UBE2E2: variants seen among roughly 807,000 people sequenced by gnomAD.
UBE2E2 encodes ubiquitin conjugating enzyme E2 E2.
A neutral mutation model predicts 24.7 loss-of-function variants in UBE2E2; 6 were observed. The ratio of observed to expected loss-of-function variants is 0.24; its 90% CI spans 0.13 to 0.48. The LOEUF is 0.48. Among genes scored for constraint, UBE2E2 ranks in the 20% least tolerant of loss-of-function variants. The pLI, the probability that UBE2E2 is intolerant of heterozygous loss-of-function variation, is 0.99. For synonymous variants in UBE2E2, 104 were observed against 83.6 expected (o/e 1.24, Z -1.33); for missense variants, 169 against 245.0 (o/e 0.69, Z 2.07).
At chr3:23,342,514 T>G (rs1024509179) in intron 3 of UBE2E2, among the ~76,000 whole-genome samples, 2 of 152,244 alleles carry the variant, frequency 1.3e-5, no homozygotes, top group African/African-American at 4.8e-5. Context: ...TCTATGAGAT[T>G]GTGTGAATTT....
Position 23,302,189 on chromosome 3 carries a change from A to C in UBE2E2, c.227+84877A>C, listed in dbSNP as rs570353827. Among the ~76,000 whole-genome samples, 8 of 152,176 alleles carry C rather than the reference A, an allele frequency of 5.3e-5. No homozygotes were observed. The South Asian group carries it at 1.7e-3, about 32-fold the overall frequency. On this transcript the variant is annotated intron_variant, in intron 3 of 5. Transcript: ENST00000396703. ...TTCCAGCCATATCCAGTCTGTTTTC[A>C]ACAAAATTCTGACCACTCTACTTCT...
rs60689248 is a variant in UBE2E2 at position 23,351,031 on chromosome 3, A to G, written c.227+133719A>G. ...AAGGGAAGCCCATCAGACTAACAGC[A>G]GATCTCTCGGCAGAAACTCTACAAG... On this transcript the variant is annotated intron_variant, in intron 3 of 5. Coordinates refer to ENST00000396703, the MANE Select transcript of UBE2E2 (RefSeq NM_152653.4). Among the ~76,000 whole-genome samples, 104 of 152,364 alleles carry G rather than the reference A, an allele frequency of 6.8e-4. 1 individual carries two copies. The highest frequency in any genetic ancestry group is 2.3e-3 in the African/African-American group (97 of 41,586).
intron 5 of UBE2E2, among the ~76,000 whole-genome samples, chr3:23,561,120 G>A (rs1695918122): frequency 6.6e-6 from 1 of 152,150 alleles, no homozygotes; most frequent in Non-Finnish European, 1.5e-5. Flanking sequence ...TGCTTTTGGT[G>A]TTTTAGACAT....
intron 5 of UBE2E2, among the ~76,000 whole-genome samples, chr3:23,551,676 C>T (rs1695647110): frequency 6.6e-6 from 1 of 151,992 alleles, no homozygotes; most frequent in Non-Finnish European, 1.5e-5. Context: ...GAGTAGAGGA[C>T]AAAGAAATGT....
At chr3:23,391,226 A>G (rs1340136333) in intron 3 of UBE2E2, among the ~76,000 whole-genome samples, 1 of 152,224 alleles carries the variant, frequency 6.6e-6, no homozygotes, top group Non-Finnish European at 1.5e-5. Flanking sequence ...TCTACATTAT[A>G]AGTTAATGAT....
At chr3:23,392,573 A>T (rs1462629323) in intron 3 of UBE2E2, among the ~76,000 whole-genome samples, 1 of 152,154 alleles carries the variant, frequency 6.6e-6, no homozygotes, top group Non-Finnish European at 1.5e-5. Flanking sequence ...GAGTTTTATG[A>T]TGTTAATAAA....
intron 3 of UBE2E2, among the ~76,000 whole-genome samples, chr3:23,376,018 A>G (rs1426065807): frequency 6.6e-6 from 1 of 152,246 alleles, no homozygotes; most frequent in Non-Finnish European, 1.5e-5. Context: ...ATGATATATA[A>G]TAAAGCATAC....
At chr3:23,316,165 C>T (rs569061205) in intron 3 of UBE2E2, among the ~76,000 whole-genome samples, 13 of 152,206 alleles carry the variant, frequency 8.5e-5, no homozygotes, top group South Asian at 2.1e-4. Context: ...AGAGCTTTGC[C>T]GTCAGCAGTT....
chr3:23,411,872 G>A (rs1310265831), intron 3 of UBE2E2, among the ~76,000 whole-genome samples: 1 of 152,182 alleles, frequency 6.6e-6, no homozygotes, highest in African/African-American at 2.4e-5. Flanking sequence ...GTCAGTTTAT[G>A]AAGATCTTTG....
At chr3:23,229,283 T>C (rs1696913205) in intron 3 of UBE2E2, among the ~76,000 whole-genome samples, 1 of 152,192 alleles carries the variant, frequency 6.6e-6, no homozygotes, top group African/African-American at 2.4e-5. Context: ...GTAGTTTTAT[T>C]ATTTATTTTA....
At chr3:23,508,442 G>T (rs572040887) in intron 4 of UBE2E2, among the ~76,000 whole-genome samples, 1 of 152,186 alleles carries the variant, frequency 6.6e-6, no homozygotes, top group Non-Finnish European at 1.5e-5. Flanking sequence ...GGGAAGATAC[G>T]TTTGTTCCTA....
At chr3:23,442,588 T>C (rs914399099) in intron 3 of UBE2E2, among the ~76,000 whole-genome samples, 1 of 152,220 alleles carries the variant, frequency 6.6e-6, no homozygotes, top group Non-Finnish European at 1.5e-5. Context: ...GCACTGAGCT[T>C]TCTGTGTTGT....
intron 4 of UBE2E2, among the ~76,000 whole-genome samples, chr3:23,532,061 C>CA (rs538531736): frequency 0.048 from 4,338 of 90,988 alleles, 108 homozygotes; most frequent in East Asian, 0.17. Context: ...AACTCTATCT[C>CA]AAAAAAAAAA....
chr3:23,237,409 A>C (rs11715107), intron 3 of UBE2E2, among the ~76,000 whole-genome samples: 41,518 of 152,100 alleles, frequency 0.27, 6,135 homozygotes, highest in Non-Finnish European at 0.33. Flanking sequence ...CATACATATA[A>C]GTATCTTGTT....
intron 5 of UBE2E2, among the ~76,000 whole-genome samples, chr3:23,586,364 A>G (rs1230155574): frequency 6.6e-6 from 1 of 152,134 alleles, no homozygotes. Flanking sequence ...GCATGATCAC[A>G]GCTCACTGTA....
chr3:23,545,208 C>G (rs200869726), intron 5 of UBE2E2, among the ~76,000 whole-genome samples: 2 of 152,162 alleles, frequency 1.3e-5, no homozygotes, highest in South Asian at 4.2e-4. Context: ...AGCACAGACC[C>G]TTTACGGGTG....
intron 3 of UBE2E2, among the ~76,000 whole-genome samples, chr3:23,456,339 C>T (rs1698679704): frequency 6.6e-6 from 1 of 152,214 alleles, no homozygotes; most frequent in South Asian, 2.1e-4. Flanking sequence ...ATCTCATGAT[C>T]ACGAATGTTC....
At chr3:23,273,905 C>T (rs1344100610) in intron 3 of UBE2E2, 1 of 152,204 alleles carries the variant, frequency 6.6e-6, no homozygotes, top group East Asian at 1.9e-4. Flanking sequence ...ACTTGACTAG[C>T]CATATATGTA....
intron 3 of UBE2E2, among the ~76,000 whole-genome samples, chr3:23,288,210 G>A (rs1443934970): frequency 2.6e-5 from 4 of 152,054 alleles, no homozygotes; most frequent in South Asian, 2.1e-4. Flanking sequence ...ATTTGCATAC[G>A]TTTGTATAGT....
Sources: allele counts gnomAD v4.1 joint callset (sites outside exome capture counted in the v4.1 genomes callset), GRCh38; gene constraint gnomAD v4.1.1; transcripts MANE v1.5; gene names NCBI Gene and HGNC (gene_info 2026-07-23, HGNC 2026-07-21).